TENT4B: variants seen among roughly 807,000 people sequenced by gnomAD.
TENT4B encodes the protein terminal nucleotidyltransferase 4B.
Under a neutral mutation model 75.0 loss-of-function variants are expected in TENT4B, and 10 were observed. The observed-to-expected ratio is 0.13, with a 90% CI of 0.08 to 0.23. The LOEUF (loss-of-function observed/expected upper bound fraction) is 0.23. TENT4B is among the 10% of genes least tolerant of loss of function. The pLI, the probability that TENT4B is intolerant of heterozygous loss-of-function variation, is 1.00. For synonymous variants in TENT4B, 350 were observed against 357.7 expected (o/e 0.98, Z 0.24); for missense variants, 579 against 893.8 (o/e 0.65, Z 4.49).
In TENT4B at chr16:50,224,367, G is replaced by A. The variant is rs117238785; in HGVS notation, c.1382-290G>A. ...ATGTAACTTGGGGTTTCACTCTTAG[G>A]AGTGAACAGGGCACTATTTCTTTTG... On this transcript the variant is annotated intron_variant, in intron 7 of 11. Transcript: ENST00000561678. Among the ~76,000 whole-genome samples the A allele has an allele frequency of 3.4e-3, 514 of 152,302 alleles. 1 individual carries two copies. The highest frequency in any genetic ancestry group is 5.7e-3 in the Non-Finnish European group (387 of 68,018).
At chr16:50,201,109 T>G (rs2150722291) in intron 1 of TENT4B, among the ~76,000 whole-genome samples, 1 of 152,318 alleles carries the variant, frequency 6.6e-6, no homozygotes, top group Middle Eastern at 3.4e-3. Context: ...TCAGAATTTA[T>G]TTTTTATTTG....
intron 1 of TENT4B, among the ~76,000 whole-genome samples, chr16:50,156,952 C>G (rs566869391): frequency 1.3e-5 from 2 of 152,320 alleles, no homozygotes; most frequent in Non-Finnish European, 2.9e-5. Flanking sequence ...AGCCACCATT[C>G]TCGCCAGTAT....
At chr16:50,169,248 G>A (rs1482538810) in intron 1 of TENT4B, among the ~76,000 whole-genome samples, 12 of 152,182 alleles carry the variant, frequency 7.9e-5, no homozygotes, top group Admixed American at 3.3e-4. Context: ...AAGAAACCAA[G>A]CGTTGTTTCC....
chr16:50,171,512 G>A (rs1329419894), intron 1 of TENT4B, among the ~76,000 whole-genome samples: 1 of 152,156 alleles, frequency 6.6e-6, no homozygotes, highest in Non-Finnish European at 1.5e-5. Context: ...GTCCTAATAA[G>A]GGCCTTGGTC....
intron 1 of TENT4B, among the ~76,000 whole-genome samples, chr16:50,179,497 TGAG>T (rs2038372251): frequency 6.6e-6 from 1 of 152,160 alleles, no homozygotes; most frequent in Non-Finnish European, 1.5e-5. Context: ...TATGGTGTGG[TGAG>T]GAGTAGGATT....
chr16:50,224,556 T>C, intron 7 of TENT4B, 101 bp from the exon 8 acceptor site: 1 of 1,454,672 alleles, frequency 6.9e-7, no homozygotes, highest in African/African-American at 1.4e-5. Flanking sequence ...ACAACTCTGG[T>C]GGGATAACTA....
In TENT4B at chr16:50,171,636, T is replaced by C. The variant is rs544502272; in HGVS notation, c.638+17377T>C. Among the ~76,000 whole-genome samples, 5 of 152,298 alleles carry C rather than the reference T, an allele frequency of 3.3e-5. No homozygotes were observed. In the East Asian group the frequency reaches 7.7e-4, roughly 24 times the overall value. ...GGCTGGATCTGTATGGGTCCACTTATATGTGGATTTTTTTTCAACCAAACT... is the reference window on the plus strand; with the variant it reads ...GGCTGGATCTGTATGGGTCCACTTACATGTGGATTTTTTTTCAACCAAACT... On this transcript the variant is annotated intron_variant, in intron 1 of 11. Coordinates refer to ENST00000561678, the MANE Select transcript of TENT4B (RefSeq NM_001365324.3).
In TENT4B at chr16:50,229,927, T is replaced by C; in HGVS notation, c.*599T>C. 1 of 931,410 alleles carries C rather than the reference T, an allele frequency of 1.1e-6. No homozygotes were observed. Among genetic ancestry groups the C allele is most frequent in the South Asian group, 5.0e-5 (1 of 20,144 alleles). The allele number at this position is 931,410 out of a possible 1,614,324, so 57.7% of individuals were successfully genotyped here. A position where few individuals can be genotyped will look rare whatever the true frequency, so the allele number is the denominator to read the frequency against. On this transcript the variant is annotated 3_prime_UTR_variant, in exon 12 of 12. Transcript: ENST00000561678. ...ACTGTTTAAATTGTAAACAGATTTT[T>C]TCTCAGGATTAGTTTGAAAAATAAT... is the stretch of plus-strand genomic sequence containing the variant.
In TENT4B at chr16:50,232,363, C is replaced by A. The variant is rs72780195; in HGVS notation, c.*3035C>A. The A allele has an allele frequency of 0.062, 61,228 of 984,992 alleles. 1,968 individuals are homozygous for A. Among genetic ancestry groups the A allele is most frequent in the Non-Finnish European group, 0.068 (56,432 of 829,588 alleles). 61.0% of individuals were successfully genotyped at this position (984,992 alleles called of 1,614,324 possible). The stretch of plus-strand genomic sequence containing the variant: ...TTATTTTTATCCTGTTTTGAGTGTA[C>A]TTTACCTTTACTTGCATTTTGAGCC... On this transcript the variant is annotated 3_prime_UTR_variant, in exon 12 of 12. Coordinates refer to ENST00000561678, the MANE Select transcript of TENT4B (RefSeq NM_001365324.3).
At chr16:50,165,386 T>TA (rs2038080452) in intron 1 of TENT4B, among the ~76,000 whole-genome samples, 3 of 152,124 alleles carry the variant, frequency 2.0e-5, no homozygotes, top group South Asian at 4.1e-4. Flanking sequence ...AAATTAGAAT[T>TA]AAAAGGCAAA....
intron 1 of TENT4B, among the ~76,000 whole-genome samples, chr16:50,203,843 C>T (rs1477776971): frequency 1.3e-5 from 2 of 152,148 alleles, no homozygotes; most frequent in African/African-American, 4.8e-5. Context: ...ACACAGAGCC[C>T]GAAGCAGGAA....
intron 1 of TENT4B, among the ~76,000 whole-genome samples, chr16:50,181,296 G>C (rs1209776037): frequency 6.6e-6 from 1 of 151,658 alleles, no homozygotes; most frequent in African/African-American, 2.4e-5. Flanking sequence ...TTATCAGTCT[G>C]ATTCAAGCCA....
At chr16:50,216,901 G>A (rs1412559542) in intron 4 of TENT4B, among the ~76,000 whole-genome samples, 1 of 152,112 alleles carries the variant, frequency 6.6e-6, no homozygotes, top group Non-Finnish European at 1.5e-5. Context: ...ACTGCTGATA[G>A]CTCATGTAAA....
chr16:50,185,081 C>T (rs994239959), intron 1 of TENT4B, among the ~76,000 whole-genome samples: 2 of 152,142 alleles, frequency 1.3e-5, no homozygotes, highest in African/African-American at 4.8e-5. Flanking sequence ...CCCTGATACT[C>T]TTTGGGTAGT....
intron 4 of TENT4B, among the ~76,000 whole-genome samples, chr16:50,216,728 C>G (rs182431786): frequency 1.3e-5 from 2 of 152,240 alleles, no homozygotes; most frequent in East Asian, 3.9e-4. Flanking sequence ...CTATGTTGCC[C>G]AGGCTGGTCT....
chr16:50,155,618 T>C lies in TENT4B; in HGVS notation c.638+1359T>C, dbSNP rs563575502. Among the ~76,000 whole-genome samples, 286 of 152,266 alleles carry C rather than the reference T, an allele frequency of 1.9e-3. 2 individuals carry two copies. Among genetic ancestry groups the C allele is most frequent in the African/African-American group, 6.5e-3 (271 of 41,534 alleles). ...CAGTCAAGCGTTCTAGGACTGGTGC[T>C]GTGGTACATGTCAAACCTGCCCTCA... On this transcript the variant is annotated intron_variant, in intron 1 of 11. Coordinates refer to ENST00000561678, the MANE Select transcript of TENT4B (RefSeq NM_001365324.3).
chr16:50,197,669 A>G (rs1227100823), intron 1 of TENT4B, among the ~76,000 whole-genome samples: 1 of 152,226 alleles, frequency 6.6e-6, no homozygotes, highest in Non-Finnish European at 1.5e-5. Flanking sequence ...CAGCACAGCC[A>G]TGTCGTGGAA....
intron 6 of TENT4B, among the ~76,000 whole-genome samples, chr16:50,222,950 C>T (rs1295473398): frequency 1.3e-5 from 2 of 152,140 alleles, no homozygotes; most frequent in Non-Finnish European, 1.5e-5. Context: ...CTGGTGCAGC[C>T]GTAAAATTCA....
intron 1 of TENT4B, among the ~76,000 whole-genome samples, chr16:50,204,557 A>G (rs1384971404): frequency 6.6e-6 from 1 of 152,168 alleles, no homozygotes; most frequent in African/African-American, 2.4e-5. Context: ...GGATGTGTGC[A>G]TGAGTTTCTT....
Sources: gnomAD v4.1 joint callset for allele counts (sites outside exome capture counted in the v4.1 genomes callset) on GRCh38, gnomAD v4.1.1 for gene constraint, MANE v1.5 for transcripts, NCBI Gene and HGNC (gene_info 2026-07-23, HGNC 2026-07-21) for gene names.